GTF3C1: variants seen among roughly 807,000 people sequenced by gnomAD.
The protein encoded by GTF3C1 is general transcription factor IIIC subunit 1, also known as general transcription factor 3C polypeptide 1.
GTF3C1 carries 57 observed loss-of-function variants against 226.7 expected under a neutral mutation model. The ratio of observed to expected loss-of-function variants is 0.25; its 90% CI spans 0.20 to 0.31. The LOEUF (loss-of-function observed/expected upper bound fraction) is 0.31. Ranked by LOEUF, GTF3C1 falls within the 10% of genes least tolerant of loss-of-function variation. The pLI, the probability that GTF3C1 is intolerant of heterozygous loss-of-function variation, is 1.00. For missense variants in GTF3C1, 2,217 were observed against 2,776.1 expected, an observed-to-expected ratio of 0.80 and a Z score of 4.53; for synonymous variants, 1,090 against 1,084.8, an observed-to-expected ratio of 1.00 and a Z score of -0.09.
At chr16:27,518,817 G>A in intron 6 of GTF3C1, among the ~76,000 whole-genome samples, 1 of 152,216 alleles carries the variant, frequency 6.6e-6, no homozygotes, top group Non-Finnish European at 1.5e-5. Context: ...TTACCTCTCT[G>A]AGCCTCAAGT....
Position 27,485,983 on chromosome 16 carries a change from G to C in GTF3C1, c.3858+14C>G, listed in dbSNP as rs1012717853. ...TGAGGGGCAGGCCCACCGCTGGGCT[G>C]GGCTGGTTGGTACCTTGGTGTTGAG... is the stretch of plus-strand genomic sequence containing the variant. On this transcript the variant is annotated intron_variant, in intron 24 of 36. Transcript: ENST00000356183. The C allele has an allele frequency of 2.5e-6, 4 of 1,579,908 alleles. No individual in the cohort carries two copies. The African/African-American group carries it at 5.4e-5, about 21-fold the overall frequency.
Position 27,494,989 on chromosome 16 carries a change from A to T in GTF3C1, c.2633-81T>A. On this transcript the variant is annotated intron_variant, in intron 15 of 36. Coordinates refer to ENST00000356183, the MANE Select transcript of GTF3C1 (RefSeq NM_001520.4). ...ACACATGGTAACGTCATCTCCCAGG[A>T]GGTCTTGGTGTCTTTACCCCTAATT... 3.1e-6 allele frequency: 4 copies of T among 1,279,568 alleles called. No homozygotes were observed. In the African/African-American group the frequency reaches 4.4e-5, roughly 14 times the overall value. 79.3% of individuals were successfully genotyped at this position (1,279,568 alleles called of 1,614,324 possible). A position where few individuals can be genotyped will look rare whatever the true frequency, so the allele number is the denominator to read the frequency against.
chr16:27,465,572 C>G (rs201706401), intron 32 of GTF3C1, 32 bp from the exon 33 acceptor site: 1 of 1,555,446 alleles, frequency 6.4e-7, no homozygotes. Flanking sequence ...TCAGAGGCAG[C>G]CCGACAGAGG....
chr16:27,527,375 G>T (rs2088848583), intron 6 of GTF3C1, among the ~76,000 whole-genome samples: 1 of 152,086 alleles, frequency 6.6e-6, no homozygotes. Context: ...TAGAAATGGG[G>T]TTTCACCATG....
chr16:27,494,172 C>T (rs944726225), intron 16 of GTF3C1, among the ~76,000 whole-genome samples: 1 of 151,996 alleles, frequency 6.6e-6, no homozygotes, highest in Non-Finnish European at 1.5e-5. Flanking sequence ...GAGGCCAAGA[C>T]GGGCGGATCA....
In GTF3C1 at chr16:27,469,996, T is replaced by A. The variant is rs1311827133; in HGVS notation, c.4814+112A>T. The A allele has an allele frequency of 1.2e-6, 1 of 838,116 alleles. No homozygotes were observed. The highest frequency in any genetic ancestry group is 2.4e-5 in the East Asian group (1 of 41,316). 51.9% of individuals were successfully genotyped at this position (838,116 alleles called of 1,614,324 possible). On this transcript the variant is annotated intron_variant, in intron 31 of 36. Coordinates refer to ENST00000356183, the MANE Select transcript of GTF3C1 (RefSeq NM_001520.4). The surrounding 1 kb of genome is among the most constrained non-coding windows in gnomAD (Gnocchi z 4.5). Reference sequence around the variant, plus strand: ...GGCCTATAATCCCCAGTCACTCATCTGCAACTCCCATCCCACAAGCTCCCA... The same window carrying A: ...GGCCTATAATCCCCAGTCACTCATCAGCAACTCCCATCCCACAAGCTCCCA...
chr16:27,527,031 T>A (rs987484894), intron 6 of GTF3C1, among the ~76,000 whole-genome samples: 9 of 152,148 alleles, frequency 5.9e-5, no homozygotes, highest in Non-Finnish European at 1.0e-4. Flanking sequence ...ATAGCAAGAC[T>A]TCGTCTCTAC....
Position 27,463,525 on chromosome 16 carries a change from A to G in GTF3C1, c.5924+16T>C. 2 of 1,528,788 alleles carry G rather than the reference A, an allele frequency of 1.3e-6. No homozygotes were observed. Among genetic ancestry groups the G allele is most frequent in the Non-Finnish European group, 1.8e-6 (2 of 1,102,128 alleles). 94.7% of individuals were successfully genotyped at this position (1,528,788 alleles called of 1,614,324 possible). ...GAGCCCCGCCCCAGGCCCCGGAGCC[A>G]GAACCCCACACCCACCTTTCCCGTG... On this transcript the variant is annotated intron_variant, in intron 35 of 36. Transcript: ENST00000356183. The surrounding 1 kb of genome is among the most constrained non-coding windows in gnomAD (Gnocchi z 4.9).
In GTF3C1 at chr16:27,462,456, C is replaced by T. The variant is rs776160895; in HGVS notation, c.5955G>A (p.Arg1985=). ...RDCESVCFIG[R]PWRVVDGHLN... is the part of the protein sequence containing the mutation. Reference sequence around the variant, plus strand: ...GGTGGCCATCCACGACACGCCACGGCCGGCCGATGAAGCAGACACTCTCAC... The same window carrying T: ...GGTGGCCATCCACGACACGCCACGGTCGGCCGATGAAGCAGACACTCTCAC... Residue 1985 remains arginine (R), a synonymous_variant, in exon 36 of 37, where the codon CGG becomes CGA. Coordinates refer to ENST00000356183, the MANE Select transcript of GTF3C1 (RefSeq NM_001520.4). This position sits in a 1 kb window ranked among gnomAD's most constrained non-coding sequence, Gnocchi z 4.5. 7.4e-6 allele frequency: 12 copies of T among 1,613,670 alleles called. No homozygotes were observed. The Admixed American group carries it at 1.3e-4, about 18-fold the overall frequency.
At chr16:27,497,923 G>A (rs2088344884) in intron 13 of GTF3C1, 102 bp from the exon 14 acceptor site, 3 of 968,264 alleles carry the variant, frequency 3.1e-6, no homozygotes, top group Non-Finnish European at 4.5e-6. Context: ...CTTGGCCTGG[G>A]GGTTTCAAAT....
chr16:27,511,672 C>T, intron 7 of GTF3C1, 77 bp downstream of exon 7: 2 of 1,483,912 alleles, frequency 1.3e-6, no homozygotes, highest in Non-Finnish European at 1.9e-6. Context: ...AGAGCTCTCT[C>T]TCGACATGTG....
intron 2 of GTF3C1, among the ~76,000 whole-genome samples, chr16:27,544,179 A>C (rs951128911): frequency 1.3e-5 from 2 of 152,070 alleles, no homozygotes; most frequent in African/African-American, 2.4e-5. Flanking sequence ...GCTTGAGCCC[A>C]GAAGTTTGAG....
At position 27,478,500 on chromosome 16, in the gene GTF3C1, C is replaced by A. The variant is rs747451133; in HGVS notation, c.4228G>T (p.Asp1410Tyr). Residue 1410 changes from aspartate to tyrosine, a missense_variant, in exon 28 of 37, where the codon GAT becomes TAT. Coordinates refer to ENST00000356183, the MANE Select transcript of GTF3C1 (RefSeq NM_001520.4). ...AGTTCATCCTCTTTCCTGGTTTGATCTTTTTCATCCCCAATTGCCAAAACT... is the reference window on the plus strand; with the variant it reads ...AGTTCATCCTCTTTCCTGGTTTGATATTTTTCATCCCCAATTGCCAAAACT... ...YRVLAIGDEK[D>Y]QTRKEDELNS... 5.0e-6 allele frequency: 8 copies of A among 1,612,210 alleles called. No homozygotes were observed. The Admixed American group carries it at 1.3e-4, about 27-fold the overall frequency.
At position 27,464,364 on chromosome 16, in the gene GTF3C1, A is replaced by C. The variant is rs775432315; in HGVS notation, c.5828T>G (p.Leu1943Arg). Residue 1943 changes from leucine (L) to arginine (R), a missense_variant, in exon 34 of 37, where the codon CTG becomes CGG. Coordinates refer to ENST00000356183, the MANE Select transcript of GTF3C1 (RefSeq NM_001520.4). ...GEFSSPGQEQ[L>R]SGQAQPPEGS... Reference sequence around the variant, plus strand: ...CTCTGGAGGCTGCGCCTGGCCGCTCAGCTGCTCTTGGCCTGGGGAACTGAA... The same window carrying C: ...CTCTGGAGGCTGCGCCTGGCCGCTCCGCTGCTCTTGGCCTGGGGAACTGAA... 2 of 1,561,954 alleles carry C rather than the reference A, an allele frequency of 1.3e-6. No individual in the cohort carries two copies. The highest frequency in any genetic ancestry group is 2.8e-5 in the African/African-American group (2 of 72,356).
At chr16:27,511,198 A>G (rs2088566073) in intron 7 of GTF3C1, among the ~76,000 whole-genome samples, 1 of 152,216 alleles carries the variant, frequency 6.6e-6, no homozygotes, top group Non-Finnish European at 1.5e-5. Flanking sequence ...GCACCATCCA[A>G]TCAGCCAGGG....
chr16:27,511,978 T>C, intron 6 of GTF3C1, 77 bp from the exon 7 acceptor site: 1 of 1,493,314 alleles, frequency 6.7e-7, no homozygotes, highest in South Asian at 1.2e-5. Context: ...TTCTGAAATA[T>C]CACAGCACAT....
At position 27,478,045 on chromosome 16, in the gene GTF3C1, C is replaced by T. The variant is rs561445017; in HGVS notation, c.4259+424G>A. Among the ~76,000 whole-genome samples, 8 of 152,222 alleles carry T rather than the reference C, an allele frequency of 5.3e-5. No homozygotes were observed. In the South Asian group the frequency reaches 8.3e-4, roughly 16 times the overall value. On this transcript the variant is annotated intron_variant, in intron 28 of 36. Transcript: ENST00000356183. ...AATTAGCTGGGTGTGGTGGCAGGTG[C>T]CTGTAATCTCAGCTATTCGGGAGGC...
chr16:27,538,049 G>T, intron 3 of GTF3C1, 122 bp from the exon 4 acceptor site: 1 of 1,309,920 alleles, frequency 7.6e-7, no homozygotes, highest in Non-Finnish European at 1.1e-6. Flanking sequence ...TAAGAAAACA[G>T]TCACTGTGAG....
chr16:27,533,333 C>T lies in GTF3C1; in HGVS notation c.807G>A (p.Arg269=), dbSNP rs34662306. ...MEKLSVMLST[R]TNHIETLGKL... is the part of the protein sequence containing the mutation. Reference sequence around the variant, plus strand: ...TTCCCAGCGTCTCTATGTGGTTAGTCCGTGTGCTCAGCATGACCGAAAGCT... The same window carrying T: ...TTCCCAGCGTCTCTATGTGGTTAGTTCGTGTGCTCAGCATGACCGAAAGCT... Residue 269 remains arginine, a synonymous_variant, in exon 5 of 37, where the codon CGG becomes CGA. Coordinates refer to ENST00000356183, the MANE Select transcript of GTF3C1 (RefSeq NM_001520.4). 6.2e-7 allele frequency: 1 copy of T among 1,608,980 alleles called. No individual in the cohort carries two copies. Among genetic ancestry groups the T allele is most frequent in the Non-Finnish European group, 8.5e-7 (1 of 1,175,440 alleles).
Sources: allele counts gnomAD v4.1 joint callset (sites outside exome capture counted in the v4.1 genomes callset), GRCh38; gene constraint gnomAD v4.1.1; non-coding constraint Gnocchi (gnomAD v3.1); transcripts MANE v1.5; gene names NCBI Gene and HGNC (gene_info 2026-07-23, HGNC 2026-07-21).